XRCC5: variants seen among roughly 807,000 people sequenced by gnomAD.
XRCC5 encodes the protein DNA repair protein Ku80.
A neutral mutation model predicts 95.7 loss-of-function variants in XRCC5; 12 were observed. That is an observed-to-expected ratio of 0.13 (90% CI 0.08 to 0.20). The LOEUF is 0.20. Among genes scored for constraint, XRCC5 ranks in the 10% least tolerant of loss-of-function variants. XRCC5 has a pLI of 1.00. For synonymous variants in XRCC5, 281 were observed against 290.3 expected, an observed-to-expected ratio of 0.97 and a Z score of 0.33; for missense variants, 595 against 873.9, an observed-to-expected ratio of 0.68 and a Z score of 4.02.
chr2:216,203,265 T>C (rs1689875694), intron 19 of XRCC5, among the ~76,000 whole-genome samples: 1 of 152,138 alleles, frequency 6.6e-6, no homozygotes, highest in Non-Finnish European at 1.5e-5. Flanking sequence ...CCATAACTGA[T>C]TCTCTATTTA....
In XRCC5 at chr2:216,204,410, A is replaced by AT. The variant is rs778903783; in HGVS notation, c.2184+15dup. 6.2e-7 allele frequency: 1 copy of AT among 1,613,736 alleles called. No individual in the cohort carries two copies. Among genetic ancestry groups the AT allele is most frequent in the South Asian group, 1.1e-5 (1 of 91,072 alleles). On this transcript the variant is annotated intron_variant, in intron 20 of 20. Transcript: ENST00000392132. ...GTGGACGATTTAGTAAGTACTTTTA[A>AT]TATGCACCTGGTGTTCTATGATTGA...
chr2:216,152,650 T>G (rs1168021210), intron 14 of XRCC5, among the ~76,000 whole-genome samples: 6 of 138,266 alleles, frequency 4.3e-5, no homozygotes, highest in Admixed American at 1.4e-4. Context: ...TTTTTTCTTG[T>G]TTTTTTTTTT....
At chr2:216,133,326 C>T (rs1697023170) in intron 10 of XRCC5, among the ~76,000 whole-genome samples, 1 of 152,226 alleles carries the variant, frequency 6.6e-6, no homozygotes, top group Non-Finnish European at 1.5e-5. Flanking sequence ...CAAACCACAA[C>T]TTAGCTGAAG....
intron 10 of XRCC5, among the ~76,000 whole-genome samples, chr2:216,136,878 G>A (rs147924654): frequency 1.3e-4 from 20 of 152,312 alleles, no homozygotes; most frequent in African/African-American, 4.6e-4. Context: ...GGTTGAAGCA[G>A]TAAGACGGAT....
At chr2:216,175,841 G>A (rs1017952140) in intron 16 of XRCC5, 2 of 434,014 alleles carry the variant, frequency 4.6e-6, no homozygotes, top group Non-Finnish European at 8.8e-6. Flanking sequence ...CACACAATCT[G>A]TGAGTGTGCC....
At chr2:216,151,987 G>A (rs780689817) in intron 14 of XRCC5, among the ~76,000 whole-genome samples, 3 of 152,170 alleles carry the variant, frequency 2.0e-5, no homozygotes, top group Admixed American at 6.5e-5. Context: ...AGGCAAGATC[G>A]AGTGTATATC....
intron 19 of XRCC5, among the ~76,000 whole-genome samples, chr2:216,199,937 A>G (rs1689805485): frequency 1.3e-5 from 2 of 150,448 alleles, no homozygotes; most frequent in South Asian, 2.1e-4. Context: ...TAACTGCCTA[A>G]TTTATCCTTC....
At chr2:216,132,470 G>A (rs1697011085) in intron 10 of XRCC5, 83 bp downstream of exon 10, 1 of 1,373,474 alleles carries the variant, frequency 7.3e-7, no homozygotes, top group Non-Finnish European at 1.0e-6. Flanking sequence ...GGCTTTTATA[G>A]TTTAAAATGA....
Position 216,113,074 on chromosome 2 carries a change from T to A in XRCC5, c.80T>A (p.Ile27Lys), listed in dbSNP as rs768163718. The A allele has an allele frequency of 6.2e-7, 1 of 1,614,170 alleles. No individual in the cohort carries two copies. Among genetic ancestry groups the A allele is most frequent in the East Asian group, 2.2e-5 (1 of 44,876 alleles). The stretch of plus-strand genomic sequence containing the variant: ...ACCATGAGTAACTCCATTCCTGGTA[T>A]AGAATCCCCATTTGAACAAGCAAAG... Reference protein sequence around the residue: ...GFTMSNSIPGIESPFEQAKKV... With the variant: ...GFTMSNSIPGKESPFEQAKKV... The change falls in exon 2 of 21, where the codon ATA (isoleucine) becomes AAA (lysine). Residue 27 changes from isoleucine to lysine, a missense_variant. Coordinates refer to ENST00000392132, the MANE Select transcript of XRCC5 (RefSeq NM_021141.4).
chr2:216,134,030 T>C (rs1157163897), intron 10 of XRCC5, among the ~76,000 whole-genome samples: 1 of 152,206 alleles, frequency 6.6e-6, no homozygotes, highest in Non-Finnish European at 1.5e-5. Flanking sequence ...TTGTTCAAGA[T>C]GAAGAATTAT....
intron 16 of XRCC5, among the ~76,000 whole-genome samples, chr2:216,171,335 TGTC>T (rs1689162794): frequency 1.3e-5 from 2 of 152,288 alleles, no homozygotes; most frequent in South Asian, 2.1e-4. Flanking sequence ...CCTAGAAAAA[TGTC>T]GTGCTTGCTT....
At chr2:216,159,898 A>G (rs1688916942) in intron 14 of XRCC5, among the ~76,000 whole-genome samples, 170 bp from the exon 15 acceptor site, 1 of 152,154 alleles carries the variant, frequency 6.6e-6, no homozygotes, top group Non-Finnish European at 1.5e-5. Context: ...GCTTGTTTGT[A>G]GAAGGACTAC....
chr2:216,141,969 G>A (rs988312476), intron 13 of XRCC5, among the ~76,000 whole-genome samples: 5 of 152,016 alleles, frequency 3.3e-5, no homozygotes, highest in African/African-American at 9.7e-5. Flanking sequence ...TGGGAGAATT[G>A]CTTGAACCTG....
chr2:216,134,679 C>A (rs200971320), intron 10 of XRCC5, among the ~76,000 whole-genome samples: 1 of 151,360 alleles, frequency 6.6e-6, no homozygotes, highest in South Asian at 2.1e-4. Context: ...TCCACCCCCC[C>A]CCCTCCTCGG....
At chr2:216,156,921 G>T in intron 14 of XRCC5, 1 of 314,020 alleles carries the variant, frequency 3.2e-6, no homozygotes, top group Non-Finnish European at 6.3e-6. Flanking sequence ...ATATCTTTTC[G>T]CCTTTCTGGG....
intron 17 of XRCC5, 131 bp from the exon 18 acceptor site, chr2:216,192,508 A>G: frequency 1.9e-6 from 1 of 519,688 alleles, no homozygotes; most frequent in Non-Finnish European, 3.3e-6. Flanking sequence ...CTTCCCATGT[A>G]CCAAAGAAGA....
At chr2:216,161,721 CTT>C (rs1442578209) in intron 15 of XRCC5, among the ~76,000 whole-genome samples, 2 of 152,278 alleles carry the variant, frequency 1.3e-5, no homozygotes, top group South Asian at 2.1e-4. Context: ...AGTTGTAATA[CTT>C]TTTTGACCCT....
chr2:216,156,572 T>A (rs1688846032), intron 14 of XRCC5: 1 of 590,586 alleles, frequency 1.7e-6, no homozygotes, highest in African/African-American at 1.9e-5. Context: ...AGCTTTCCCA[T>A]GGTACTCACG....
intron 5 of XRCC5, among the ~76,000 whole-genome samples, chr2:216,119,957 C>T (rs1186918130): frequency 6.6e-6 from 1 of 152,166 alleles, no homozygotes; most frequent in Non-Finnish European, 1.5e-5. Context: ...TGGGAATACT[C>T]GTTTTTCAAA....
Sources: allele counts gnomAD v4.1 joint callset (sites outside exome capture counted in the v4.1 genomes callset), GRCh38; gene constraint gnomAD v4.1.1; transcripts MANE v1.5; gene names NCBI Gene and HGNC (gene_info 2026-07-23, HGNC 2026-07-21).